The following SPTBN4 variants were observed in gnomAD, a reference collection of about 807,000 sequenced individuals.
SPTBN4 encodes spectrin beta, non-erythrocytic 4.
In SPTBN4, 96 loss-of-function variants were observed where a neutral mutation model predicts 277.8. The ratio of observed to expected loss-of-function variants is 0.35; its 90% CI spans 0.29 to 0.41. SPTBN4 has a LOEUF of 0.41. Among genes scored for constraint, SPTBN4 ranks in the 10% least tolerant of loss-of-function variants. The pLI is 1.00. For synonymous variants in SPTBN4, 1,481 were observed against 1,580.3 expected (o/e 0.94, Z 1.49); for missense variants, 3,006 against 3,595.7 (o/e 0.84, Z 4.19).
chr19:40,561,963 G>A (rs932349976), intron 27 of SPTBN4, among the ~76,000 whole-genome samples: 5 of 152,206 alleles, frequency 3.3e-5, no homozygotes, highest in African/African-American at 1.2e-4. Flanking sequence ...GGGTGAGTCA[G>A]GTAAAGTTTT....
chr19:40,548,144 C>T (rs2080878267), intron 20 of SPTBN4, among the ~76,000 whole-genome samples: 1 of 152,188 alleles, frequency 6.6e-6, no homozygotes, highest in Non-Finnish European at 1.5e-5. Context: ...CACTTTCTGT[C>T]TATTCCTAAG....
chr19:40,569,646 C>A lies in SPTBN4; in HGVS notation c.6957-11C>A. 1.2e-6 allele frequency: 2 copies of A among 1,612,222 alleles called. No homozygotes were observed. The highest frequency in any genetic ancestry group is 1.7e-6 in the Non-Finnish European group (2 of 1,179,320). ...TGGTTTCACTGGGTCTTTCTGTCCC[C>A]CATCCCCCAGGAAGGCCACCCTGGC... On this transcript the variant is annotated splice_polypyrimidine_tract_variant and intron_variant, in intron 31 of 35. Coordinates refer to ENST00000598249, the MANE Select transcript of SPTBN4 (RefSeq NM_020971.3).
chr19:40,513,772 G>A (rs999584785), intron 14 of SPTBN4, among the ~76,000 whole-genome samples: 2 of 152,150 alleles, frequency 1.3e-5, no homozygotes, highest in African/African-American at 4.8e-5. Context: ...CCCTACCCAG[G>A]CTTGTGATGA....
rs753027289 is a variant in SPTBN4, at chr19:40,572,127, C to G, written c.7428C>G (p.Ser2476Arg). 6.2e-7 allele frequency: 1 copy of G among 1,612,292 alleles called. No individual in the cohort carries two copies. Among genetic ancestry groups the G allele is most frequent in the East Asian group, 2.2e-5 (1 of 44,840 alleles). Residue 2476 changes from serine to arginine, a missense_variant, in exon 34 of 36, where the codon AGC becomes AGG. Around this residue, in one of 5 missense-constraint regions of SPTBN4, gnomAD observed 630 missense variants for 677.6 expected, o/e 0.93. Transcript: ENST00000598249. ...GSTHGGEPLL[S>R]LHKATSEVAS... ...CACACGGTGGGGAACCGCTGCTCAGCCTGCACAAGGCCACCAGCGAGGTGG... is the reference window on the plus strand; with the variant it reads ...CACACGGTGGGGAACCGCTGCTCAGGCTGCACAAGGCCACCAGCGAGGTGG...
chr19:40,514,503 G>A (rs755310426), intron 14 of SPTBN4, among the ~76,000 whole-genome samples: 8 of 152,188 alleles, frequency 5.3e-5, no homozygotes, highest in Non-Finnish European at 1.2e-4. Context: ...GGGCTGGAGC[G>A]ATTTTCCAAA....
intron 2 of SPTBN4, among the ~76,000 whole-genome samples, chr19:40,484,789 G>A (rs759001196): frequency 6.6e-5 from 10 of 151,758 alleles, no homozygotes; most frequent in African/African-American, 1.9e-4. Flanking sequence ...AAAATTAGCC[G>A]GGCGTGGTGG....
At chr19:40,474,117 A>T (rs2079919317) in intron 2 of SPTBN4, among the ~76,000 whole-genome samples, 1 of 130,544 alleles carries the variant, frequency 7.7e-6, no homozygotes, top group Non-Finnish European at 1.5e-5. Context: ...GCGCCACTGC[A>T]CTCCAGCCCC....
At chr19:40,496,260 C>T (rs1002769074) in intron 6 of SPTBN4, among the ~76,000 whole-genome samples, 2 of 152,186 alleles carry the variant, frequency 1.3e-5, no homozygotes, top group African/African-American at 4.8e-5. Flanking sequence ...AGTGATTCTC[C>T]TGCCTCAGCG....
In SPTBN4 at chr19:40,513,413, A is replaced by T; in HGVS notation, c.2624A>T (p.Gln875Leu). The change falls in exon 14 of 36, where the codon CAG becomes CTG. Residue 875 changes from glutamine to leucine, a missense_variant. Gln to Leu is a moderately radical substitution (Grantham distance 113). Coordinates refer to ENST00000598249, the MANE Select transcript of SPTBN4 (RefSeq NM_020971.3). ...ACCGAAGTGGCGGCGCTGAGGCGCCAGTGGCTGCGGGACGCGCTCGCTGTC... is the reference window on the plus strand; with the variant it reads ...ACCGAAGTGGCGGCGCTGAGGCGCCTGTGGCTGCGGGACGCGCTCGCTGTC... Reference protein sequence around the residue: ...EVTEVAALRRQWLRDALAVYR... With the variant: ...EVTEVAALRRLWLRDALAVYR... 1 of 1,605,290 alleles carries T rather than the reference A, an allele frequency of 6.2e-7. No individual in the cohort carries two copies. The highest frequency in any genetic ancestry group is 1.1e-5 in the South Asian group (1 of 90,154).
chr19:40,473,354 G>GTTTTTTTTTTTTTTTTTTT (rs61584591), intron 2 of SPTBN4, among the ~76,000 whole-genome samples: 1 of 99,094 alleles, frequency 1.0e-5, no homozygotes, highest in Non-Finnish European at 2.0e-5. Flanking sequence ...CTGGCCTGGT[G>GTTTTTTTTTTTTTTTTTTT]TTTTTTTTTT....
At position 40,513,126 on chromosome 19, in the gene SPTBN4, C is replaced by T. The variant is rs1277443846; in HGVS notation, c.2337C>T (p.Gly779=). The change falls in exon 14 of 36, where the codon GGC becomes GGT. Residue 779 remains glycine (G), a synonymous_variant. Transcript: ENST00000598249. ...LQEARALHQF[G]ADLDGLLDWL... ...AGGCGCGGGCGCTGCACCAGTTCGGCGCTGACCTCGACGGGCTGCTGGACT... is the reference window on the plus strand; with the variant it reads ...AGGCGCGGGCGCTGCACCAGTTCGGTGCTGACCTCGACGGGCTGCTGGACT... 4.7e-6 allele frequency: 7 copies of T among 1,486,476 alleles called. No homozygotes were observed. Among genetic ancestry groups the T allele is most frequent in the African/African-American group, 1.5e-5 (1 of 68,364 alleles). 92.1% of individuals were successfully genotyped at this position (1,486,476 alleles called of 1,614,324 possible).
intron 35 of SPTBN4, among the ~76,000 whole-genome samples, chr19:40,574,703 C>A (rs947402066): frequency 6.6e-6 from 1 of 152,104 alleles, no homozygotes. Flanking sequence ...TTTTACTTAT[C>A]TGCACAATGA....
Position 40,549,253 on chromosome 19 carries a change from C to T in SPTBN4, c.4424C>T (p.Ala1475Val), listed in dbSNP as rs1568369141. ...EVGELQAQTA[A>V]LPLEPASKEL... The stretch of plus-strand genomic sequence containing the variant: ...GGAGAGCTGCAGGCGCAGACGGCGG[C>T]GCTGCCGCTGGAGCCGGCGAGCAAG... The change falls in exon 21 of 36, where the codon GCG becomes GTG. Residue 1475 changes from alanine to valine, a missense_variant. Physicochemically the swap from Ala to Val is moderately conservative, Grantham distance 64. Around this residue, in one of 5 missense-constraint regions of SPTBN4, gnomAD observed 1,759 missense variants for 2,061.5 expected, o/e 0.85. Coordinates refer to ENST00000598249, the MANE Select transcript of SPTBN4 (RefSeq NM_020971.3). 1.9e-6 allele frequency: 3 copies of T among 1,546,688 alleles called. No individual in the cohort carries two copies. The highest frequency in any genetic ancestry group is 2.4e-5 in the East Asian group (1 of 40,986).
chr19:40,467,382 G>C (rs954503821), intron 1 of SPTBN4, 77 bp downstream of exon 1: 1 of 152,188 alleles, frequency 6.6e-6, no homozygotes, highest in Non-Finnish European at 1.5e-5. Context: ...CCGCGCGCAC[G>C]GGGCATGGCT....
Position 40,519,318 on chromosome 19 carries a change from T to A in SPTBN4, c.2904-83T>A. On this transcript the variant is annotated intron_variant, in intron 15 of 35. Transcript: ENST00000598249. This position sits in a 1 kb window ranked among gnomAD's most constrained non-coding sequence, Gnocchi z 5.7. ...ACACAGTGGCTGGGTGGCTTGGGCC[T>A]GGATTCTACCCTGGGTCGGCGGGCC... 1 of 1,364,520 alleles carries A rather than the reference T, an allele frequency of 7.3e-7. No individual in the cohort carries two copies. Among genetic ancestry groups the A allele is most frequent in the Non-Finnish European group, 9.5e-7 (1 of 1,054,688 alleles). The allele number at this position is 1,364,520 out of a possible 1,614,324, so 84.5% of individuals were successfully genotyped here.
intron 6 of SPTBN4, 95 bp from the exon 7 acceptor site, chr19:40,497,394 C>A (rs2080211649): frequency 4.5e-6 from 4 of 881,584 alleles, no homozygotes; most frequent in Non-Finnish European, 3.8e-6. Context: ...CTGCCCATTG[C>A]CCTGGGCAGT....
At chr19:40,564,772 G>C (rs2081074978) in intron 27 of SPTBN4, among the ~76,000 whole-genome samples, 1 of 151,570 alleles carries the variant, frequency 6.6e-6, no homozygotes, top group Non-Finnish European at 1.5e-5. Flanking sequence ...AGGAGGTTGA[G>C]ACTGAAGTGA....
chr19:40,572,398 C>T lies in SPTBN4; in HGVS notation c.7536+18C>T, dbSNP rs1199019981. On this transcript the variant is annotated intron_variant, in intron 35 of 35. Transcript: ENST00000598249. ...AAGATGAGGTGAGATCTGGTCCTTT[C>T]CTCCCTCTGTGTGGACCTCAGTAAT... 3 of 1,614,140 alleles carry T rather than the reference C, an allele frequency of 1.9e-6. No homozygotes were observed. Among genetic ancestry groups the T allele is most frequent in the East Asian group, 4.5e-5 (2 of 44,878 alleles).
rs985676467 is a variant in SPTBN4 at position 40,554,081 on chromosome 19, C to T, written c.4675-66C>T. On this transcript the variant is annotated intron_variant, in intron 22 of 35. Transcript: ENST00000598249. This position sits in a 1 kb window ranked among gnomAD's most constrained non-coding sequence, Gnocchi z 5.7. Reference sequence around the variant, plus strand: ...GTGGGCCGTGCCAGTAGCAGAGGAGCGTGTGGTCTTGCAGGGCCTCGGAAC... The same window carrying T: ...GTGGGCCGTGCCAGTAGCAGAGGAGTGTGTGGTCTTGCAGGGCCTCGGAAC... The T allele has an allele frequency of 2.2e-6, 3 of 1,366,462 alleles. No homozygotes were observed. The highest frequency in any genetic ancestry group is 2.9e-5 in the East Asian group (1 of 34,416). The allele number at this position is 1,366,462 out of a possible 1,614,324, so 84.6% of individuals were successfully genotyped here.
Sources: allele counts gnomAD v4.1 joint callset (sites outside exome capture counted in the v4.1 genomes callset), GRCh38; gene constraint gnomAD v4.1.1; regional missense constraint gnomAD v4.1.1; non-coding constraint Gnocchi (gnomAD v3.1); transcripts MANE v1.5; gene names NCBI Gene and HGNC (gene_info 2026-07-23, HGNC 2026-07-21).